Variants in TFPI observed in about 807,000 individuals in gnomAD.
TFPI encodes anti-convertin.
TFPI carries 15 observed loss-of-function variants against 34.6 expected under a neutral mutation model. The observed-to-expected ratio is 0.43, with a 90% confidence interval of 0.29 to 0.67. The LOEUF is 0.67. Among genes scored for constraint, TFPI ranks in the 30% least tolerant of loss-of-function variants. TFPI has a pLI of 0.15. For synonymous variants in TFPI, 105 were observed against 120.1 expected, an observed-to-expected ratio of 0.87 and a Z score of 0.82; for missense variants, 301 against 364.0, an observed-to-expected ratio of 0.83 and a Z score of 1.41.
intron 1 of TFPI, among the ~76,000 whole-genome samples, chr2:187,539,224 G>T (rs1160490815): frequency 6.6e-6 from 1 of 152,118 alleles, no homozygotes; most frequent in Non-Finnish European, 1.5e-5. Context: ...ATTTTACAGA[G>T]TGTGAGAATG....
chr2:187,545,092 C>CA (rs1688789196), intron 1 of TFPI, among the ~76,000 whole-genome samples: 1 of 152,008 alleles, frequency 6.6e-6, no homozygotes, highest in Admixed American at 6.6e-5. Context: ...GCCTGGGTGA[C>CA]AGAGGGAGAC....
Position 187,478,506 on chromosome 2 carries a change from C to T in TFPI, c.628+5618G>A, listed in dbSNP as rs146849038. ...CCGGTCAAAAGACTCACAACTAGCA[C>T]GAACTCCTGAGAATATTCATTTTTC... On this transcript the variant is annotated intron_variant, in intron 6 of 7. Coordinates refer to ENST00000233156, the MANE Select transcript of TFPI (RefSeq NM_006287.6). 1,213 of 1,021,478 alleles carry T rather than the reference C, an allele frequency of 1.2e-3. 14 individuals carry two copies. In the African/African-American group the frequency reaches 0.018, roughly 15 times the overall value. 63.3% of individuals were successfully genotyped at this position (1,021,478 alleles called of 1,614,324 possible).
At chr2:187,524,553 T>C (rs1687583006) in intron 1 of TFPI, among the ~76,000 whole-genome samples, 1 of 152,070 alleles carries the variant, frequency 6.6e-6, no homozygotes, top group Non-Finnish European at 1.5e-5. Context: ...TAATACTTGA[T>C]GAATAATTAA....
chr2:187,511,818 CAG>C (rs546014387), intron 1 of TFPI, among the ~76,000 whole-genome samples: 1 of 149,560 alleles, frequency 6.7e-6, no homozygotes, highest in African/African-American at 2.5e-5. Flanking sequence ...GAAAGACCAG[CAG>C]AGAGAGAGAG....
intron 2 of TFPI, chr2:187,499,591 T>TA (rs1685714775): frequency 6.6e-6 from 1 of 152,112 alleles, no homozygotes; most frequent in African/African-American, 2.4e-5. Context: ...GTGTCTGACT[T>TA]ACAGCAGGCC....
intron 1 of TFPI, among the ~76,000 whole-genome samples, chr2:187,539,618 A>AT (rs1553538288): frequency 2.0e-5 from 3 of 152,246 alleles, no homozygotes; most frequent in Admixed American, 6.5e-5. Flanking sequence ...AACATTTGTG[A>AT]TTTTTTTCTA....
intron 2 of TFPI, 146 bp downstream of exon 2, chr2:187,503,502 T>C (rs8176596): frequency 0.073 from 35,059 of 483,312 alleles, 979 homozygotes; most frequent in Non-Finnish European, 0.091. Context: ...CACACACACA[T>C]ACATTAGGTA....
At chr2:187,489,323 C>T (rs1445495418) in intron 3 of TFPI, among the ~76,000 whole-genome samples, 8 of 151,106 alleles carry the variant, frequency 5.3e-5, no homozygotes, top group African/African-American at 1.5e-4. Flanking sequence ...GTGAAACTAA[C>T]GGACCCAAAC....
intron 1 of TFPI, among the ~76,000 whole-genome samples, chr2:187,541,991 C>G (rs1688606399): frequency 6.6e-6 from 1 of 152,074 alleles, no homozygotes; most frequent in African/African-American, 2.4e-5. Flanking sequence ...AAGTAACCTT[C>G]TAAAATATTT....
At chr2:187,501,746 T>C (rs192301943) in intron 2 of TFPI, among the ~76,000 whole-genome samples, 4 of 152,250 alleles carry the variant, frequency 2.6e-5, no homozygotes, top group Admixed American at 2.0e-4. Context: ...TACTTGCCTT[T>C]CACTAAATGT....
At chr2:187,475,526 A>T (rs1158319201) in intron 6 of TFPI, among the ~76,000 whole-genome samples, 1 of 152,148 alleles carries the variant, frequency 6.6e-6, no homozygotes, top group Non-Finnish European at 1.5e-5. Flanking sequence ...TCAAAAATTA[A>T]TACTTTGTGC....
intron 1 of TFPI, chr2:187,529,585 T>G (rs1455448440): frequency 6.6e-6 from 1 of 152,232 alleles, no homozygotes; most frequent in African/African-American, 2.4e-5. Context: ...TTATCTCATT[T>G]ATGTTAATTA....
At chr2:187,505,014 G>C (rs1686107800) in intron 1 of TFPI, among the ~76,000 whole-genome samples, 1 of 151,758 alleles carries the variant, frequency 6.6e-6, no homozygotes, top group South Asian at 2.1e-4. Flanking sequence ...CATATATCTT[G>C]TAAATCATAC....
intron 1 of TFPI, among the ~76,000 whole-genome samples, chr2:187,526,072 G>A (rs1687661577): frequency 6.6e-6 from 1 of 152,044 alleles, no homozygotes; most frequent in Non-Finnish European, 1.5e-5. Flanking sequence ...GATAATGTTA[G>A]CTATTATAAT....
intron 1 of TFPI, among the ~76,000 whole-genome samples, chr2:187,549,612 A>G (rs954590516): frequency 1.3e-5 from 2 of 152,104 alleles, no homozygotes; most frequent in African/African-American, 4.8e-5. Flanking sequence ...AGATGAAATA[A>G]CTGTTTTCTA....
chr2:187,473,857 T>G (rs8176559), intron 6 of TFPI, among the ~76,000 whole-genome samples: 1,949 of 151,374 alleles, frequency 0.013, 41 homozygotes, highest in African/African-American at 0.044. Flanking sequence ...GGATAAAGTA[T>G]AGAAGGAGGG....
intron 3 of TFPI, among the ~76,000 whole-genome samples, chr2:187,490,838 A>C (rs1380461848): frequency 6.6e-6 from 1 of 151,642 alleles, no homozygotes; most frequent in African/African-American, 2.4e-5. Flanking sequence ...CTGTAATTGA[A>C]TATTTTAATA....
intron 2 of TFPI, among the ~76,000 whole-genome samples, chr2:187,498,212 A>G (rs1685614980): frequency 6.6e-6 from 1 of 151,946 alleles, no homozygotes; most frequent in Non-Finnish European, 1.5e-5. Context: ...TTTAAAGCAT[A>G]AAATACAGGA....
chr2:187,534,075 G>T (rs1688116050), intron 1 of TFPI, among the ~76,000 whole-genome samples: 1 of 152,284 alleles, frequency 6.6e-6, no homozygotes, highest in African/African-American at 2.4e-5. Context: ...TGAATGAAAA[G>T]ACCAAACCCA....
Sources: gnomAD v4.1 joint callset for allele counts (sites outside exome capture counted in the v4.1 genomes callset) on GRCh38, gnomAD v4.1.1 for gene constraint, MANE v1.5 for transcripts, NCBI Gene and HGNC (gene_info 2026-07-23, HGNC 2026-07-21) for gene names.